HPSE2: variants seen among roughly 807,000 people sequenced by gnomAD.
HPSE2 encodes heparanase 2 (inactive).
A neutral mutation model predicts 60.5 loss-of-function variants in HPSE2; 38 were observed. That is an observed-to-expected ratio of 0.63 (90% CI 0.48 to 0.82). The LOEUF (loss-of-function observed/expected upper bound fraction) is 0.82, where lower values mean the gene tolerates loss of function less well. Ranked by LOEUF, HPSE2 falls within the 40% of genes least tolerant of loss-of-function variation. The pLI, the probability that HPSE2 is intolerant of heterozygous loss-of-function variation, is 0.00. For synonymous variants in HPSE2, 295 were observed against 293.2 expected, an observed-to-expected ratio of 1.01 and a Z score of -0.06; for missense variants, 713 against 740.4, an observed-to-expected ratio of 0.96 and a Z score of 0.43.
intron 3 of HPSE2, among the ~76,000 whole-genome samples, chr10:99,108,076 G>A (rs890015625): frequency 6.6e-5 from 10 of 152,102 alleles, no homozygotes; most frequent in African/African-American, 2.2e-4. Context: ...ATTAAAAATG[G>A]CTGAAGCAGA....
intron 3 of HPSE2, among the ~76,000 whole-genome samples, chr10:98,773,469 C>T (rs1320621857): frequency 6.6e-6 from 1 of 152,184 alleles, no homozygotes; most frequent in African/African-American, 2.4e-5. Flanking sequence ...TAATTCCCTG[C>T]TGTAAACTCC....
intron 3 of HPSE2, among the ~76,000 whole-genome samples, chr10:99,117,437 A>C (rs1394527766): frequency 1.4e-5 from 2 of 145,730 alleles, no homozygotes; most frequent in Non-Finnish European, 3.0e-5. Context: ...AAAAAAAAAA[A>C]AAAAAAAAAA....
chr10:98,943,529 C>A (rs1254305771), intron 3 of HPSE2, among the ~76,000 whole-genome samples: 1 of 152,028 alleles, frequency 6.6e-6, no homozygotes, highest in Non-Finnish European at 1.5e-5. Flanking sequence ...CCACATCATA[C>A]TAGGAAGGTC....
At chr10:98,916,115 G>T (rs2135041458) in intron 3 of HPSE2, among the ~76,000 whole-genome samples, 3 of 152,328 alleles carry the variant, frequency 2.0e-5, no homozygotes, top group Admixed American at 2.0e-4. Context: ...TTGGAAGACA[G>T]AATCAGATTT....
intron 3 of HPSE2, among the ~76,000 whole-genome samples, chr10:98,848,530 T>C (rs1952087817): frequency 2.0e-5 from 3 of 152,268 alleles, no homozygotes; most frequent in Admixed American, 2.0e-4. Context: ...GAAACAATTG[T>C]TTGCTTACTG....
intron 3 of HPSE2, among the ~76,000 whole-genome samples, chr10:98,871,824 G>A (rs1952740272): frequency 6.6e-6 from 1 of 152,008 alleles, no homozygotes; most frequent in African/African-American, 2.4e-5. Flanking sequence ...AAAGGCCACT[G>A]GGACTTATTA....
chr10:99,277,446 A>G, the HPSE2 span, among the ~76,000 whole-genome samples: 1 of 152,218 alleles, frequency 6.6e-6, no homozygotes, highest in African/African-American at 2.4e-5. Context: ...TTCAACAAAG[A>G]TAAAATGAAT....
At chr10:99,194,762 A>G (rs993877800) in intron 2 of HPSE2, among the ~76,000 whole-genome samples, 2 of 152,104 alleles carry the variant, frequency 1.3e-5, no homozygotes, top group East Asian at 1.9e-4. Flanking sequence ...GTCTTCCAGC[A>G]AAGAAAAGCC....
At chr10:98,792,905 C>A (rs773921878) in intron 3 of HPSE2, among the ~76,000 whole-genome samples, 1 of 152,142 alleles carries the variant, frequency 6.6e-6, no homozygotes, top group African/African-American at 2.4e-5. Context: ...AAATGAGGAA[C>A]GTTGTTACTT....
intron 3 of HPSE2, among the ~76,000 whole-genome samples, chr10:98,948,820 T>G (rs555662895): frequency 1.8e-3 from 270 of 152,256 alleles, no homozygotes; most frequent in Non-Finnish European, 3.3e-3. Context: ...GATGACCCAC[T>G]TCTACTTAAT....
At chr10:98,818,436 C>T (rs757707001) in intron 3 of HPSE2, among the ~76,000 whole-genome samples, 14 of 152,166 alleles carry the variant, frequency 9.2e-5, no homozygotes. Context: ...AATGCCACTG[C>T]TGATCTGATA....
chr10:98,618,078 C>T lies in HPSE2; in HGVS notation c.1205+2524G>A, dbSNP rs558662330. Among the ~76,000 whole-genome samples the T allele has an allele frequency of 4.6e-5, 7 of 152,262 alleles. No individual in the cohort carries two copies. The South Asian group carries it at 1.2e-3, about 27-fold the overall frequency. On this transcript the variant is annotated intron_variant, in intron 8 of 11. Transcript: ENST00000370552. ...CCACGACAGGAAGCAATTTATGCCC[C>T]TTGGAGAACTGAACTCAAAGGGCAC...
intron 9 of HPSE2, among the ~76,000 whole-genome samples, chr10:98,509,326 A>C (rs1942307456): frequency 6.6e-6 from 1 of 151,986 alleles, no homozygotes; most frequent in Non-Finnish European, 1.5e-5. Context: ...ACAACAACAA[A>C]ACAAAAACAG....
chr10:99,238,236 G>T (rs1166395825), upstream of HPSE2, among the ~76,000 whole-genome samples: 1 of 152,176 alleles, frequency 6.6e-6, no homozygotes, highest in African/African-American at 2.4e-5. Context: ...ACCAATGGAA[G>T]ACAATTTGAA....
chr10:99,083,350 T>C (rs186024933), intron 3 of HPSE2, among the ~76,000 whole-genome samples: 1 of 152,310 alleles, frequency 6.6e-6, no homozygotes, highest in Admixed American at 6.5e-5. Context: ...CTTTCTAACA[T>C]GATTTAAGTG....
intron 7 of HPSE2, among the ~76,000 whole-genome samples, chr10:98,621,443 G>A (rs1321936559): frequency 6.6e-6 from 1 of 152,138 alleles, no homozygotes; most frequent in Admixed American, 6.5e-5. Context: ...CGGCACTTAG[G>A]AGTAAGATTG....
chr10:99,221,435 T>G (rs1358519892), intron 2 of HPSE2, among the ~76,000 whole-genome samples: 1 of 151,484 alleles, frequency 6.6e-6, no homozygotes, highest in East Asian at 1.9e-4. Context: ...AATCTAGGAG[T>G]AGAGCCAAGT....
the HPSE2 span, among the ~76,000 whole-genome samples, chr10:99,271,659 T>A: frequency 6.6e-6 from 1 of 152,172 alleles, no homozygotes; most frequent in Non-Finnish European, 1.5e-5. Flanking sequence ...ATAATTCATA[T>A]GGAGCCAAAA....
intron 3 of HPSE2, among the ~76,000 whole-genome samples, chr10:98,971,208 A>T (rs1955943373): frequency 6.6e-6 from 1 of 152,248 alleles, no homozygotes; most frequent in Non-Finnish European, 1.5e-5. Context: ...GGGACTAACA[A>T]GAATAACAAC....
Sources: allele counts gnomAD v4.1 joint callset (sites outside exome capture counted in the v4.1 genomes callset), GRCh38; gene constraint gnomAD v4.1.1; transcripts MANE v1.5; gene names NCBI Gene and HGNC (gene_info 2026-07-23, HGNC 2026-07-21).